Variants in KCNJ6 observed in about 807,000 individuals in gnomAD.
KCNJ6 encodes G protein-activated inward rectifier potassium channel 2.
Under a neutral mutation model 34.2 loss-of-function variants are expected in KCNJ6, and 9 were observed. That is an observed-to-expected ratio of 0.26 (90% CI 0.16 to 0.46). The LOEUF is 0.46. KCNJ6 is among the 20% of genes least tolerant of loss of function. KCNJ6 has a pLI of 1.00. For missense variants in KCNJ6, 236 were observed against 531.3 expected, an observed-to-expected ratio of 0.44 and a Z score of 5.46; for synonymous variants, 196 against 207.1, an observed-to-expected ratio of 0.95 and a Z score of 0.46.
intron 3 of KCNJ6, among the ~76,000 whole-genome samples, chr21:37,655,212 TGTGTGTGTGTGTGAGAGA>T (rs2054453831): frequency 2.0e-4 from 12 of 60,022 alleles, no homozygotes; most frequent in Admixed American, 6.4e-4. Flanking sequence ...TGTGTGTGTG[TGTGTGTGTGTGTGAGAGA>T]GAGAGAGAGA....
chr21:37,789,470 T>C lies in KCNJ6; in HGVS notation c.25+51188A>G, dbSNP rs556423928. ...GAGAGCCCTCATCAGAACCTGACTA[T>C]GCTGGCACCATGATCTTGGACTTCC... On this transcript the variant is annotated intron_variant, in intron 2 of 3. Transcript: ENST00000609713. Among the ~76,000 whole-genome samples the C allele has an allele frequency of 2.6e-5, 4 of 152,326 alleles. No homozygotes were observed. The South Asian group carries it at 6.2e-4, about 24-fold the overall frequency.
intron 2 of KCNJ6, 61 bp from the exon 3 acceptor site, chr21:37,715,192 G>T: frequency 7.1e-7 from 1 of 1,399,896 alleles, no homozygotes; most frequent in Non-Finnish European, 9.7e-7. Flanking sequence ...TGAGGACAAT[G>T]GAACGGCACA....
intron 2 of KCNJ6, among the ~76,000 whole-genome samples, chr21:37,734,033 T>C (rs930809804): frequency 2.0e-5 from 3 of 152,236 alleles, no homozygotes; most frequent in Non-Finnish European, 4.4e-5. Context: ...TCCTGCCAGC[T>C]TCATTATCAG....
chr21:37,682,392 A>G (rs1488021624), intron 3 of KCNJ6, among the ~76,000 whole-genome samples: 2 of 152,174 alleles, frequency 1.3e-5, no homozygotes, highest in African/African-American at 2.4e-5. Flanking sequence ...TAAAAATTAA[A>G]CTATTGAAAG....
At chr21:37,905,223 T>C (rs929124101) in intron 1 of KCNJ6, among the ~76,000 whole-genome samples, 4 of 152,244 alleles carry the variant, frequency 2.6e-5, no homozygotes, top group African/African-American at 4.8e-5. Flanking sequence ...TTAGGGCTTC[T>C]TGCCTTCTGA....
intron 3 of KCNJ6, among the ~76,000 whole-genome samples, chr21:37,659,465 C>T (rs1166500672): frequency 6.6e-6 from 1 of 152,210 alleles, no homozygotes; most frequent in Non-Finnish European, 1.5e-5. Flanking sequence ...GCTACCAGCC[C>T]TCCTTGGGCA....
At chr21:37,717,180 T>TTTTAGATGATC (rs2054796524) in intron 2 of KCNJ6, 1 of 154,338 alleles carries the variant, frequency 6.5e-6, no homozygotes, top group South Asian at 2.0e-4. Context: ...CAGCTTTGAC[T>TTTTAGATGATC]TTTAGATGAT....
chr21:37,717,425 G>T (rs1010733492), intron 2 of KCNJ6, among the ~76,000 whole-genome samples: 1 of 151,780 alleles, frequency 6.6e-6, no homozygotes, highest in African/African-American at 2.4e-5. Context: ...ACTGGAGATG[G>T]GGTGGGTGTA....
chr21:37,851,314 G>A (rs376079028), intron 1 of KCNJ6, among the ~76,000 whole-genome samples: 6 of 152,096 alleles, frequency 3.9e-5, no homozygotes, highest in African/African-American at 1.4e-4. Context: ...TGTTCCCTAC[G>A]CATGCAAAAA....
At chr21:37,707,723 A>ATG (rs1491422353) in intron 3 of KCNJ6, among the ~76,000 whole-genome samples, 2 of 776 alleles carry the variant, frequency 2.6e-3, no homozygotes, top group Non-Finnish European at 6.3e-3. Flanking sequence ...GTATCTGTGC[A>ATG]TGTGTGTGTG....
At chr21:37,858,043 T>C (rs1401644032) in intron 1 of KCNJ6, among the ~76,000 whole-genome samples, 1 of 152,090 alleles carries the variant, frequency 6.6e-6, no homozygotes, top group African/African-American at 2.4e-5. Flanking sequence ...ATAGAGTTTG[T>C]ATCCTAGGAG....
chr21:37,701,958 C>G (rs1452840731), intron 3 of KCNJ6, among the ~76,000 whole-genome samples: 1 of 152,118 alleles, frequency 6.6e-6, no homozygotes, highest in Non-Finnish European at 1.5e-5. Context: ...CTGGGCCGGG[C>G]ACGGTGGCTC....
intron 1 of KCNJ6, among the ~76,000 whole-genome samples, chr21:37,860,934 A>G (rs189698959): frequency 2.9e-5 from 2 of 69,982 alleles, no homozygotes; most frequent in East Asian, 7.6e-4. Flanking sequence ...TCTCAGCTCC[A>G]CTACTTGAGC....
At chr21:37,858,392 CAAAAAAA>C (rs60814205) in intron 1 of KCNJ6, among the ~76,000 whole-genome samples, 4 of 54,522 alleles carry the variant, frequency 7.3e-5, no homozygotes, top group South Asian at 1.1e-3. Flanking sequence ...GACTCCGTCT[CAAAAAAA>C]AAAAAAAAAA....
chr21:37,778,789 C>CA (rs1280085626), intron 2 of KCNJ6, among the ~76,000 whole-genome samples: 1 of 151,846 alleles, frequency 6.6e-6, no homozygotes, highest in Non-Finnish European at 1.5e-5. Context: ...CCCTCCCCAG[C>CA]ATGTGTACCC....
chr21:37,803,016 C>T (rs183475412), intron 2 of KCNJ6, among the ~76,000 whole-genome samples: 48 of 152,308 alleles, frequency 3.2e-4, no homozygotes, highest in East Asian at 2.7e-3. Flanking sequence ...CAGGGCTTTC[C>T]GACCTGGCAT....
At chr21:37,888,189 G>A (rs187050175) in intron 1 of KCNJ6, among the ~76,000 whole-genome samples, 1 of 152,314 alleles carries the variant, frequency 6.6e-6, no homozygotes, top group African/African-American at 2.4e-5. Context: ...ACTACATGGT[G>A]CGTGTGATTT....
intron 3 of KCNJ6, among the ~76,000 whole-genome samples, chr21:37,676,340 T>A (rs1334759784): frequency 6.6e-6 from 1 of 152,206 alleles, no homozygotes; most frequent in East Asian, 1.9e-4. Flanking sequence ...GCAGGCCAGG[T>A]AGGCCCTAAG....
At chr21:37,797,016 A>G (rs1264883821) in intron 2 of KCNJ6, among the ~76,000 whole-genome samples, 2 of 151,260 alleles carry the variant, frequency 1.3e-5, no homozygotes, top group African/African-American at 2.4e-5. Context: ...GATGGTCTCG[A>G]TCTCCTGACC....
Sources: gnomAD v4.1 joint callset for allele counts (sites outside exome capture counted in the v4.1 genomes callset) on GRCh38, gnomAD v4.1.1 for gene constraint, MANE v1.5 for transcripts, NCBI Gene and HGNC (gene_info 2026-07-23, HGNC 2026-07-21) for gene names.